Variants in MCTP2 observed in about 807,000 individuals in gnomAD.
MCTP2 encodes multiple C2 and transmembrane domain containing 2.
MCTP2 carries 132 observed loss-of-function variants against 111.6 expected under a neutral mutation model. The ratio of observed to expected loss-of-function variants is 1.18; its 90% CI spans 1.03 to 1.37. The LOEUF (loss-of-function observed/expected upper bound fraction) is 1.37. Among genes scored for constraint, MCTP2 ranks in the 40% most tolerant of loss-of-function variants. The pLI is 0.00. For synonymous variants in MCTP2, 395 were observed against 387.7 expected (o/e 1.02, Z -0.22); for missense variants, 1,183 against 1,067.9 (o/e 1.11, Z -1.50).
At chr15:94,429,296 A>C (rs2083047927) in intron 17 of MCTP2, among the ~76,000 whole-genome samples, 1 of 151,864 alleles carries the variant, frequency 6.6e-6, no homozygotes, top group Non-Finnish European at 1.5e-5. Context: ...TCATAATTTT[A>C]TTTATCTCTC....
intron 21 of MCTP2, among the ~76,000 whole-genome samples, chr15:94,474,273 C>T (rs995299891): frequency 7.2e-5 from 11 of 152,094 alleles, no homozygotes; most frequent in Non-Finnish European, 1.6e-4. Context: ...CTTTTCCATG[C>T]TCACTTCCTT....
At chr15:94,252,721 A>G (rs1422841088) in intron 1 of MCTP2, among the ~76,000 whole-genome samples, 4 of 152,032 alleles carry the variant, frequency 2.6e-5, no homozygotes, top group Admixed American at 6.5e-5. Flanking sequence ...ACCTAAACTT[A>G]TAAGTGTAAC....
chr15:94,251,108 A>G (rs1218937650), intron 1 of MCTP2, among the ~76,000 whole-genome samples: 1 of 152,204 alleles, frequency 6.6e-6, no homozygotes, highest in African/African-American at 2.4e-5. Context: ...ATCTCTTGAA[A>G]GATCTGAGTG....
chr15:94,448,703 T>C (rs139248435), intron 19 of MCTP2, among the ~76,000 whole-genome samples: 1 of 152,350 alleles, frequency 6.6e-6, no homozygotes, highest in African/African-American at 2.4e-5. Flanking sequence ...CATCTAGATA[T>C]TTCATTTCCC....
chr15:94,437,616 GA>G (rs1179594989), intron 17 of MCTP2, among the ~76,000 whole-genome samples: 1 of 151,958 alleles, frequency 6.6e-6, no homozygotes, highest in Non-Finnish European at 1.5e-5. Flanking sequence ...GAGTTGTATA[GA>G]AATTTATAAA....
intron 1 of MCTP2, among the ~76,000 whole-genome samples, chr15:94,287,136 T>G (rs1203696885): frequency 6.6e-6 from 1 of 152,224 alleles, no homozygotes; most frequent in Non-Finnish European, 1.5e-5. Flanking sequence ...TTAGATTTAT[T>G]ATTTCTTTAA....
At chr15:94,356,095 A>T in intron 8 of MCTP2, 42 bp from the exon 9 acceptor site, 1 of 1,425,428 alleles carries the variant, frequency 7.0e-7, no homozygotes, top group Non-Finnish European at 9.3e-7. Flanking sequence ...ACTCTCAGGA[A>T]TTAGAAGCAA....
intron 7 of MCTP2, among the ~76,000 whole-genome samples, chr15:94,344,340 A>T (rs887297707): frequency 2.0e-5 from 3 of 152,192 alleles, no homozygotes; most frequent in Admixed American, 6.5e-5. Context: ...TTCTTAAGAA[A>T]AATAGTAAAT....
rs573274003 is a variant in MCTP2 at position 94,478,756 on chromosome 15, T to A, written c.2569-210T>A. On this transcript the variant is annotated intron_variant, in intron 22 of 22. Coordinates refer to ENST00000357742, the MANE Select transcript of MCTP2 (RefSeq NM_001385001.1). ...ACCCACGCATCTCATTAGAAAAATC[T>A]GCTTTTAATATTTTGGTTTCAAGAA... Among the ~76,000 whole-genome samples, 91 of 152,328 alleles carry A rather than the reference T, an allele frequency of 6.0e-4. 1 individual carries two copies. The Middle Eastern group carries it at 0.017, about 28-fold the overall frequency.
Position 94,322,098 on chromosome 15 carries a change from T to C in MCTP2, c.637+6461T>C, listed in dbSNP as rs181911445. ...GAACCCTTGCAGTTGTTCAAATGCA[T>C]GTTTTCAAGAGTCACCTGTATTTTA... is the stretch of plus-strand genomic sequence containing the variant. On this transcript the variant is annotated intron_variant, in intron 4 of 22. Coordinates refer to ENST00000357742, the MANE Select transcript of MCTP2 (RefSeq NM_001385001.1). Among the ~76,000 whole-genome samples, 745 of 152,334 alleles carry C rather than the reference T, an allele frequency of 4.9e-3. 7 individuals are homozygous for C. The highest frequency in any genetic ancestry group is 0.016 in the African/African-American group (675 of 41,574).
At chr15:94,462,962 G>A (rs910445233) in intron 20 of MCTP2, among the ~76,000 whole-genome samples, 1 of 152,130 alleles carries the variant, frequency 6.6e-6, no homozygotes, top group Non-Finnish European at 1.5e-5. Context: ...ATAAACCCAG[G>A]GAATGTCCCC....
intron 1 of MCTP2, among the ~76,000 whole-genome samples, chr15:94,238,262 C>A (rs909098223): frequency 6.6e-6 from 1 of 152,098 alleles, no homozygotes; most frequent in Admixed American, 6.5e-5. Context: ...AGAATTTGAG[C>A]CCATATAATT....
chr15:94,302,578 C>A (rs182967254), intron 2 of MCTP2, among the ~76,000 whole-genome samples: 58 of 151,600 alleles, frequency 3.8e-4, no homozygotes, highest in Non-Finnish European at 7.4e-4. Context: ...TAGCCAGACT[C>A]TCTCTTGAGC....
intron 1 of MCTP2, among the ~76,000 whole-genome samples, chr15:94,291,631 A>T (rs1393244560): frequency 6.6e-6 from 1 of 152,186 alleles, no homozygotes; most frequent in Non-Finnish European, 1.5e-5. Context: ...GTGAAAATAA[A>T]ACATAATTTT....
At chr15:94,404,498 C>T (rs1029020005) in intron 17 of MCTP2, among the ~76,000 whole-genome samples, 2 of 151,904 alleles carry the variant, frequency 1.3e-5, no homozygotes, top group African/African-American at 2.4e-5. Context: ...GACGGGGTTT[C>T]GTCATATTGG....
intron 10 of MCTP2, among the ~76,000 whole-genome samples, chr15:94,361,117 T>TTA (rs2078918884): frequency 8.4e-6 from 1 of 119,192 alleles, no homozygotes; most frequent in African/African-American, 3.1e-5. Flanking sequence ...TTTTTTTTTT[T>TTA]AACACATTTG....
At chr15:94,338,901 A>C (rs922189934) in intron 4 of MCTP2, among the ~76,000 whole-genome samples, 26 of 152,310 alleles carry the variant, frequency 1.7e-4, no homozygotes, top group African/African-American at 6.3e-4. Flanking sequence ...CATCTGGCTA[A>C]ATGTTTGAAA....
intron 4 of MCTP2, among the ~76,000 whole-genome samples, chr15:94,335,351 G>A (rs1230768933): frequency 2.0e-5 from 3 of 152,120 alleles, no homozygotes; most frequent in African/African-American, 4.8e-5. Context: ...AATTTTGTAC[G>A]ACATTGCTTC....
At chr15:94,282,398 G>T (rs1330453679) in intron 1 of MCTP2, among the ~76,000 whole-genome samples, 1 of 152,148 alleles carries the variant, frequency 6.6e-6, no homozygotes, top group South Asian at 2.1e-4. Flanking sequence ...CAGAAGTTCA[G>T]TTGATTCTTT....
Sources: allele counts gnomAD v4.1 joint callset (sites outside exome capture counted in the v4.1 genomes callset), GRCh38; gene constraint gnomAD v4.1.1; transcripts MANE v1.5; gene names NCBI Gene and HGNC (gene_info 2026-07-23, HGNC 2026-07-21).